TDRD6: variants seen among roughly 807,000 people sequenced by gnomAD.
TDRD6 encodes tudor domain containing 6.
TDRD6 carries 186 observed loss-of-function variants against 157.5 expected under a neutral mutation model. That is an observed-to-expected ratio of 1.18 (90% CI 1.05 to 1.33). The LOEUF (loss-of-function observed/expected upper bound fraction) is 1.33. TDRD6 is among the 40% of genes most tolerant of loss of function. The pLI is 0.00. For synonymous variants in TDRD6, 1,075 were observed against 945.2 expected (o/e 1.14, Z -2.52); for missense variants, 3,066 against 2,508.0 (o/e 1.22, Z -4.75).
chr6:46,689,237 C>G lies in TDRD6; in HGVS notation c.1109C>G (p.Pro370Arg). The G allele has an allele frequency of 6.2e-7, 1 of 1,614,066 alleles. No homozygotes were observed. The highest frequency in any genetic ancestry group is 1.1e-5 in the South Asian group (1 of 91,070). ...RYLLPEYFRM[P>R]VVTYPCALYG... ...TTGCTGCCTGAATATTTTCGAATGC[C>G]GGTGGTGACCTACCCTTGTGCTTTG... Residue 370 changes from proline (P) to arginine (R), a missense_variant, in exon 1 of 4, where the codon CCG (proline) becomes CGG (arginine). Transcript: ENST00000316081.
chr6:46,690,332 A>C lies in TDRD6; in HGVS notation c.2204A>C (p.Glu735Ala). ...ACAGTTGTAACAAATGGTTCAACTG[A>C]ACTAGTTGTGCAGGAAAAAGTGAAA... ...DTTVVTNGST[E>A]LVVQEKVKRA... Residue 735 changes from glutamate to alanine, a missense_variant, in exon 1 of 4, where the codon GAA (glutamate) becomes GCA (alanine). Physicochemically the swap from Glu to Ala is moderately radical, Grantham distance 107. Coordinates refer to ENST00000316081, the MANE Select transcript of TDRD6 (RefSeq NM_001010870.3). 6.2e-7 allele frequency: 1 copy of C among 1,613,384 alleles called. No individual in the cohort carries two copies. Among genetic ancestry groups the C allele is most frequent in the Middle Eastern group, 1.6e-4 (1 of 6,062 alleles).
upstream of TDRD6, among the ~76,000 whole-genome samples, chr6:46,683,901 CTA>C (rs912853988): frequency 3.7e-4 from 57 of 152,234 alleles, no homozygotes; most frequent in African/African-American, 1.3e-3. Context: ...TCCTTTCCCA[CTA>C]TGTTTTGCTG....
intron 3 of TDRD6, among the ~76,000 whole-genome samples, chr6:46,699,250 C>T (rs1764566503): frequency 6.6e-6 from 1 of 152,202 alleles, no homozygotes; most frequent in Non-Finnish European, 1.5e-5. Flanking sequence ...CTCTCAGCCT[C>T]TGCTCCACCA....
At chr6:46,701,025 T>A in intron 3 of TDRD6, 1 of 464,506 alleles carries the variant, frequency 2.2e-6, no homozygotes, top group East Asian at 6.7e-5. Context: ...TAGGGAAAGA[T>A]CTTTACTTCA....
At position 46,693,721 on chromosome 6, in the gene TDRD6, G is replaced by T. The variant is rs376169393; in HGVS notation, c.5593G>T (p.Glu1865Ter). Residue 1865 changes from glutamate (E) to a stop codon, truncating the protein, a stop_gained, in exon 1 of 4, where the codon GAA (glutamate) becomes TAA (stop). Transcript: ENST00000316081. LOFTEE classifies it high-confidence loss of function. ...ACAGAATTCTCTGGTGGTGGATGAAGAAAAAGGGGAGCTAAGCCCGGTGCC... is the reference window on the plus strand; with the variant it reads ...ACAGAATTCTCTGGTGGTGGATGAATAAAAAGGGGAGCTAAGCCCGGTGCC... ...ELQNSLVVDE[E>*]KGELSPVPPN... The T allele has an allele frequency of 6.2e-7, 1 of 1,614,028 alleles. No individual in the cohort carries two copies.
intron 1 of TDRD6, among the ~76,000 whole-genome samples, chr6:46,695,264 T>C (rs1764460529): frequency 6.6e-6 from 1 of 152,178 alleles, no homozygotes; most frequent in African/African-American, 2.4e-5. Context: ...CTATATAGTT[T>C]TAAAAACAAT....
In TDRD6 at chr6:46,693,090, C is replaced by A. The variant is rs763994654; in HGVS notation, c.4962C>A (p.Phe1654Leu). The A allele has an allele frequency of 1.2e-6, 2 of 1,613,644 alleles. No individual in the cohort carries two copies. The highest frequency in any genetic ancestry group is 1.7e-6 in the Non-Finnish European group (2 of 1,179,904). The change falls in exon 1 of 4, where the codon TTC becomes TTA. Residue 1654 changes from phenylalanine (F) to leucine (L), a missense_variant. Coordinates refer to ENST00000316081, the MANE Select transcript of TDRD6 (RefSeq NM_001010870.3). ...GTTCTCAAGAGGGAAATGACTATTT[C>A]TATGAAATAATAACAGAAGATGTGT... ...GLCSQEGNDY[F>L]YEIITEDVLE...
At chr6:46,699,233 T>C (rs900552879) in intron 3 of TDRD6, among the ~76,000 whole-genome samples, 4 of 152,208 alleles carry the variant, frequency 2.6e-5, no homozygotes, top group Non-Finnish European at 5.9e-5. Context: ...AGCCAGACAG[T>C]ATTTTTCTCT....
Position 46,690,038 on chromosome 6 carries a change from A to G in TDRD6, c.1910A>G (p.Gln637Arg). Residue 637 changes from glutamine to arginine, a missense_variant, in exon 1 of 4, where the codon CAG becomes CGG. By Grantham distance (43) the Gln-to-Arg change is conservative (BLOSUM62 1). Transcript: ENST00000316081. ...KELVIHILDK[Q>R]DHQYVIEILD... ...TTAGTCATCCATATTCTTGATAAAC[A>G]GGATCATCAATATGTTATTGAGATT... The G allele has an allele frequency of 6.2e-7, 1 of 1,614,066 alleles. No homozygotes were observed. Among genetic ancestry groups the G allele is most frequent in the Non-Finnish European group, 8.5e-7 (1 of 1,179,992 alleles).
At chr6:46,698,814 G>A (rs528843066) in intron 3 of TDRD6, among the ~76,000 whole-genome samples, 3 of 152,288 alleles carry the variant, frequency 2.0e-5, no homozygotes, top group Non-Finnish European at 4.4e-5. Context: ...AAGACATTGG[G>A]TCCTGTTAAA....
Position 46,689,474 on chromosome 6 carries a change from G to A in TDRD6, c.1346G>A (p.Ser449Asn). ...TGCTTGGCTGACCGAGTCCTTCAGA[G>A]CCAGGCAACAGAGGAGGAGGAACCA... ...SCCLADRVLQ[S>N]QATEEEEPET... The change falls in exon 1 of 4, where the codon AGC becomes AAC. Residue 449 changes from serine (S) to asparagine (N), a missense_variant. Coordinates refer to ENST00000316081, the MANE Select transcript of TDRD6 (RefSeq NM_001010870.3). 6.2e-7 allele frequency: 1 copy of A among 1,613,588 alleles called. No homozygotes were observed. Among genetic ancestry groups the A allele is most frequent in the South Asian group, 1.1e-5 (1 of 91,078 alleles).
In TDRD6 at chr6:46,689,703, C is replaced by A; in HGVS notation, c.1575C>A (p.Ser525=). 7 of 1,614,188 alleles carry A rather than the reference C, an allele frequency of 4.3e-6. No homozygotes were observed. The highest frequency in any genetic ancestry group is 5.9e-6 in the Non-Finnish European group (7 of 1,180,044). Residue 525 remains serine (S), a synonymous_variant, in exon 1 of 4, where the codon TCC becomes TCA. Coordinates refer to ENST00000316081, the MANE Select transcript of TDRD6 (RefSeq NM_001010870.3). ...KLMRRMCGFY[S]SASKLDGVVL... is the part of the protein sequence containing the mutation. Reference sequence around the variant, plus strand: ...TGAGGAGAATGTGTGGTTTCTATTCCTCTGCCAGTAAGCTGGATGGTGTAG... The same window carrying A: ...TGAGGAGAATGTGTGGTTTCTATTCATCTGCCAGTAAGCTGGATGGTGTAG...
rs1242735889 is a variant in TDRD6, at chr6:46,691,176, A to G, written c.3048A>G (p.Ser1016=). The change falls in exon 1 of 4, where the codon TCA becomes TCG. Residue 1016 remains serine, a synonymous_variant. Coordinates refer to ENST00000316081, the MANE Select transcript of TDRD6 (RefSeq NM_001010870.3). ...ATGCAAATATTTTAGAACAGTTGTC[A>G]TGTAGTATTACACAATTAAGTAAAG... ...ARNANILEQL[S]CSITQLSKVL... is the part of the protein sequence containing the mutation. 4 of 1,613,670 alleles carry G rather than the reference A, an allele frequency of 2.5e-6. No homozygotes were observed. Among genetic ancestry groups the G allele is most frequent in the South Asian group, 1.1e-5 (1 of 91,046 alleles).
chr6:46,681,428 G>A, the TDRD6 span: 634 of 414,870 alleles, frequency 1.5e-3, 3 homozygotes, highest in African/African-American at 0.012. Flanking sequence ...CTTCATTGAT[G>A]CCATATACAT....
chr6:46,691,461 G>A lies in TDRD6; in HGVS notation c.3333G>A (p.Val1111=), dbSNP rs1764315668. The A allele has an allele frequency of 6.2e-7, 1 of 1,614,032 alleles. No homozygotes were observed. The highest frequency in any genetic ancestry group is 8.5e-7 in the Non-Finnish European group (1 of 1,179,954). Residue 1111 remains valine, a synonymous_variant, in exon 1 of 4, where the codon GTG becomes GTA. Coordinates refer to ENST00000316081, the MANE Select transcript of TDRD6 (RefSeq NM_001010870.3). The part of the protein sequence containing the change: ...SDIPDHIPEE[V]VVWFQETILD... ...TTCCTGATCATATACCAGAAGAAGT[G>A]GTGGTGTGGTTTCAGGAGACTATTT... is the stretch of plus-strand genomic sequence containing the variant.
rs61744040 is a variant in TDRD6 at position 46,695,876 on chromosome 6, T to G, written c.6102T>G (p.Val2034=). 8.1e-4 allele frequency: 1,306 copies of G among 1,613,804 alleles called. 11 individuals carry two copies. The African/African-American group carries it at 0.015, about 19-fold the overall frequency. ...CCTTTACTGTTGGATCTAAATGTGT[T>G]GTGTGGTCAAGTCTAAGAAACACAT... The part of the protein sequence containing the change: ...LKAFTVGSKC[V]VWSSLRNTWS... The change falls in exon 2 of 4, where the codon GTT becomes GTG. Residue 2034 remains valine (V), a synonymous_variant. Transcript: ENST00000316081.
the TDRD6 span, among the ~76,000 whole-genome samples, chr6:46,681,064 T>G: frequency 6.6e-6 from 1 of 152,196 alleles, no homozygotes. Context: ...CCTTACAAAC[T>G]TCAAATAGGA....
intron 3 of TDRD6, 136 bp from the exon 4 acceptor site, chr6:46,701,722 T>C: frequency 2.8e-6 from 2 of 709,578 alleles, no homozygotes; most frequent in Non-Finnish European, 4.7e-6. Context: ...AATAATGCCC[T>C]ATAGTAATTA....
rs760987808 is a variant in TDRD6 at position 46,691,917 on chromosome 6, T to A, written c.3789T>A (p.Ala1263=). ...CAGAAAAGAAAGAAGAAATTTCTGC[T>A]GAGACACCCTTGAAAACAGCAAGAG... The part of the protein sequence containing the change: ...LTTEKKEEIS[A]ETPLKTARVE... The change falls in exon 1 of 4, where the codon GCT becomes GCA. Residue 1263 remains alanine (A), a synonymous_variant. Transcript: ENST00000316081. 1.7e-5 allele frequency: 27 copies of A among 1,596,704 alleles called. No individual in the cohort carries two copies. Among genetic ancestry groups the A allele is most frequent in the Non-Finnish European group, 1.4e-5 (17 of 1,175,556 alleles).
Sources: gnomAD v4.1 joint callset for allele counts (sites outside exome capture counted in the v4.1 genomes callset) on GRCh38, gnomAD v4.1.1 for gene constraint, MANE v1.5 for transcripts, NCBI Gene and HGNC (gene_info 2026-07-23, HGNC 2026-07-21) for gene names.